RSAD1: variants seen among roughly 807,000 people sequenced by gnomAD.
The protein encoded by RSAD1 is radical S-adenosyl methionine domain containing 1.
Under a neutral mutation model 46.2 loss-of-function variants are expected in RSAD1, and 34 were observed. That is an observed-to-expected ratio of 0.74 (90% confidence interval 0.56 to 0.98). The LOEUF (loss-of-function observed/expected upper bound fraction) is 0.98, where lower values mean the gene tolerates loss of function less well. RSAD1 is among the 50% of genes least tolerant of loss of function. RSAD1 has a pLI of 0.00. For missense variants in RSAD1, 635 were observed against 592.3 expected (o/e 1.07, Z -0.75); for synonymous variants, 260 against 253.5 (o/e 1.03, Z -0.24).
At chr17:50,479,361 C>G in intron 1 of RSAD1, 1 of 504,234 alleles carries the variant, frequency 2.0e-6, no homozygotes, top group East Asian at 3.4e-5. Context: ...ATTATATGAT[C>G]CCAGAAAGAG....
chr17:50,481,675 G>T (rs973054618), intron 3 of RSAD1, among the ~76,000 whole-genome samples: 1 of 151,976 alleles, frequency 6.6e-6, no homozygotes, highest in South Asian at 2.1e-4. Flanking sequence ...CAAGATGAAG[G>T]TTTTTTTTGT....
rs759193703 is a variant in RSAD1 at position 50,479,898 on chromosome 17, TG to T, written c.290del (p.Gly97ValfsTer7). The T allele has an allele frequency of 1.9e-6, 3 of 1,613,560 alleles. No homozygotes were observed. The highest frequency in any genetic ancestry group is 3.3e-5 in the Admixed American group (2 of 60,000). ...TCCCCAGGGTGGAGTCTGTGTTCTT[TG>T]GTGGGGGGACCCCCAGTCTAGCCAG... ...GVQRVESVFF[G>X]GGTPSLASPH... On this transcript the variant is annotated frameshift_variant, in exon 3 of 9. Coordinates refer to ENST00000258955, the MANE Select transcript of RSAD1 (RefSeq NM_018346.3). LOFTEE classifies it high-confidence loss of function.
At position 50,485,033 on chromosome 17, in the gene RSAD1, G is replaced by C. The variant is rs375939809; in HGVS notation, c.*172G>C. On this transcript the variant is annotated 3_prime_UTR_variant, in exon 9 of 9. Transcript: ENST00000258955. ...GTGAGGTAGATGGGAGGACATTTCT[G>C]GTCAGGGAACTGGCATCCCATTCAG... The C allele has an allele frequency of 4.0e-4, 243 of 600,108 alleles. 1 individual carries two copies. The highest frequency in any genetic ancestry group is 4.0e-3 in the African/African-American group (218 of 54,274). 37.2% of individuals were successfully genotyped at this position (600,108 alleles called of 1,614,324 possible).
chr17:50,484,651 G>A (rs1052605321), intron 8 of RSAD1, 93 bp from the exon 9 acceptor site: 18 of 1,509,696 alleles, frequency 1.2e-5, no homozygotes, highest in African/African-American at 8.2e-5. Flanking sequence ...TGGTAAGGCG[G>A]GACCTGCGGG....
At position 50,482,187 on chromosome 17, in the gene RSAD1, C is replaced by T. The variant is rs745834642; in HGVS notation, c.571C>T (p.Arg191Cys). 5.1e-6 allele frequency: 8 copies of T among 1,577,150 alleles called. No individual in the cohort carries two copies. The highest frequency in any genetic ancestry group is 4.3e-6 in the Non-Finnish European group (5 of 1,159,274). ...LAEARRLFPG[R>C]VSVDLMLGLP... Reference sequence around the variant, plus strand: ...AGAGGCCCGGCGCCTCTTTCCCGGGCGCGTGTCTGTAGACTTGATGCTGGG... The same window carrying T: ...AGAGGCCCGGCGCCTCTTTCCCGGGTGCGTGTCTGTAGACTTGATGCTGGG... Residue 191 changes from arginine (R) to cysteine (C), a missense_variant, in exon 4 of 9, where the codon CGC (arginine) becomes TGC (cysteine). By Grantham distance (180) the Arg-to-Cys change is radical. Transcript: ENST00000258955.
chr17:50,483,147 T>C (rs1229658434), intron 5 of RSAD1, among the ~76,000 whole-genome samples, 193 bp from the exon 6 acceptor site: 1 of 114,222 alleles, frequency 8.8e-6, no homozygotes, highest in East Asian at 2.5e-4. Context: ...AAGACCAGCC[T>C]GGGCAGTATA....
intron 5 of RSAD1, 125 bp from the exon 6 acceptor site, chr17:50,483,214 GA>G: frequency 4.0e-6 from 2 of 496,432 alleles, no homozygotes; most frequent in Non-Finnish European, 3.0e-6. Context: ...AGAAAGAAAA[GA>G]AAAGAAAAAT....
chr17:50,483,797 A>G (rs1157662114), intron 7 of RSAD1, 37 bp downstream of exon 7: 4 of 1,579,972 alleles, frequency 2.5e-6, no homozygotes, highest in Non-Finnish European at 3.4e-6. Context: ...ACTCCCTCCT[A>G]AAGTCTTGCA....
chr17:50,485,502 A>G lies in RSAD1; in HGVS notation c.*641A>G, dbSNP rs544512550. ...CAAAACCTCATGCCTACTGTCTGCC[A>G]CTGCTGGAGAAGGAATCATGGTTTC... On this transcript the variant is annotated 3_prime_UTR_variant, in exon 9 of 9. Transcript: ENST00000258955. 1 of 152,442 alleles carries G rather than the reference A, an allele frequency of 6.6e-6. No individual in the cohort carries two copies. The highest frequency in any genetic ancestry group is 1.5e-5 in the Non-Finnish European group (1 of 68,092). 9.4% of individuals were successfully genotyped at this position (152,442 alleles called of 1,614,324 possible).
Position 50,478,892 on chromosome 17 carries a change from T to C in RSAD1, c.8T>C (p.Leu3Pro), listed in dbSNP as rs1377261195. Reference sequence around the variant, plus strand: ...CGCGCTGCGCTGGGCGCCATGGCGCTCCCCGGAGCCCGGGCTCGCGGCTGG... The same window carrying C: ...CGCGCTGCGCTGGGCGCCATGGCGCCCCCCGGAGCCCGGGCTCGCGGCTGG... MALPGARARGWAA... is the reference protein window; with the variant it reads MAPPGARARGWAA... The change falls in exon 1 of 9, where the codon CTC (leucine) becomes CCC (proline). Residue 3 changes from leucine to proline, a missense_variant. Physicochemically the swap from Leu to Pro is moderately conservative, Grantham distance 98 (BLOSUM62 -3). Coordinates refer to ENST00000258955, the MANE Select transcript of RSAD1 (RefSeq NM_018346.3). 1 of 1,308,364 alleles carries C rather than the reference T, an allele frequency of 7.6e-7. No homozygotes were observed. Among genetic ancestry groups the C allele is most frequent in the Non-Finnish European group, 9.7e-7 (1 of 1,036,130 alleles). 81.0% of individuals were successfully genotyped at this position (1,308,364 alleles called of 1,614,324 possible).
chr17:50,485,955 A>G lies in RSAD1; in HGVS notation c.*1094A>G, dbSNP rs1256132040. 6.6e-6 allele frequency: 1 copy of G among 152,228 alleles called. No individual in the cohort carries two copies. The highest frequency in any genetic ancestry group is 1.5e-5 in the Non-Finnish European group (1 of 68,058). 9.4% of individuals were successfully genotyped at this position (152,228 alleles called of 1,614,324 possible). ...CACATGGTTCTATTTAAATAGCCTAATAAACACATCTGGAGCCTGTCTTGA... is the reference window on the plus strand; with the variant it reads ...CACATGGTTCTATTTAAATAGCCTAGTAAACACATCTGGAGCCTGTCTTGA... On this transcript the variant is annotated 3_prime_UTR_variant, in exon 9 of 9. Coordinates refer to ENST00000258955, the MANE Select transcript of RSAD1 (RefSeq NM_018346.3).
At chr17:50,482,608 C>T in intron 4 of RSAD1, 35 bp from the exon 5 acceptor site, 1 of 1,613,760 alleles carries the variant, frequency 6.2e-7, no homozygotes, top group Non-Finnish European at 8.5e-7. Flanking sequence ...GAGGCCTGCC[C>T]TCTTCACTCT....
At chr17:50,481,929 T>C (rs897230943) in intron 3 of RSAD1, among the ~76,000 whole-genome samples, 162 bp from the exon 4 acceptor site, 2 of 152,188 alleles carry the variant, frequency 1.3e-5, no homozygotes, top group Non-Finnish European at 2.9e-5. Context: ...TAGCGACCCT[T>C]CTGTGAATGG....
intron 1 of RSAD1, 57 bp from the exon 2 acceptor site, chr17:50,479,572 G>C (rs1421424627): frequency 7.5e-6 from 12 of 1,607,472 alleles, no homozygotes; most frequent in Non-Finnish European, 9.3e-6. Flanking sequence ...GTGTGCGACT[G>C]AACCCTGGAA....
Position 50,480,078 on chromosome 17 carries a change from C to A in RSAD1, c.468C>A (p.Gly156=), listed in dbSNP as rs773198060. The change falls in exon 3 of 9, where the codon GGC becomes GGA. Residue 156 remains glycine (G), a synonymous_variant. Coordinates refer to ENST00000258955, the MANE Select transcript of RSAD1 (RefSeq NM_018346.3). The part of the protein sequence containing the change: ...GAAGVNRLSI[G]LQSLDDTELR... ...CAGGGGTTAACAGGTTGTCTATAGGCCTCCAGGTAACCCATGGCACTCACC... is the reference window on the plus strand; with the variant it reads ...CAGGGGTTAACAGGTTGTCTATAGGACTCCAGGTAACCCATGGCACTCACC... 2.5e-6 allele frequency: 4 copies of A among 1,613,954 alleles called. No individual in the cohort carries two copies. The highest frequency in any genetic ancestry group is 3.4e-6 in the Non-Finnish European group (4 of 1,180,018).
At chr17:50,480,849 C>T (rs1383812351) in intron 3 of RSAD1, among the ~76,000 whole-genome samples, 3 of 152,128 alleles carry the variant, frequency 2.0e-5, no homozygotes, top group Non-Finnish European at 4.4e-5. Flanking sequence ...CCCCAAAGCG[C>T]ATATCTTGAA....
At position 50,482,653 on chromosome 17, in the gene RSAD1, G is replaced by A. The variant is rs1210844895; in HGVS notation, c.851G>A (p.Ser284Asn). ...CCTCCCTCCCCGCAGGGGGCGCTCA[G>A]TACCCACAATTGGACTTACTGGCAG... is the stretch of plus-strand genomic sequence containing the variant. Reference protein sequence around the residue: ...VSNFARNGALSTHNWTYWQCG... With the variant: ...VSNFARNGALNTHNWTYWQCG... The change falls in exon 5 of 9, where the codon AGT (serine) becomes AAT (asparagine). Residue 284 changes from serine (S) to asparagine (N), a missense_variant. Physicochemically the swap from Ser to Asn is conservative, Grantham distance 46. Coordinates refer to ENST00000258955, the MANE Select transcript of RSAD1 (RefSeq NM_018346.3). 1 of 1,614,204 alleles carries A rather than the reference G, an allele frequency of 6.2e-7. No homozygotes were observed. Among genetic ancestry groups the A allele is most frequent in the East Asian group, 2.2e-5 (1 of 44,874 alleles).
intron 5 of RSAD1, 86 bp from the exon 6 acceptor site, chr17:50,483,254 G>T: frequency 7.4e-7 from 1 of 1,350,228 alleles, no homozygotes; most frequent in South Asian, 1.6e-5. Context: ...GTTAGAGGCA[G>T]TTGCTCCAGG....
chr17:50,482,517 G>C, intron 4 of RSAD1, 61 bp downstream of exon 4: 1 of 1,608,764 alleles, frequency 6.2e-7, no homozygotes, highest in Non-Finnish European at 8.5e-7. Flanking sequence ...TGACCAGGGC[G>C]TTGTGACCTT....
Sources: allele counts gnomAD v4.1 joint callset (sites outside exome capture counted in the v4.1 genomes callset), GRCh38; gene constraint gnomAD v4.1.1; transcripts MANE v1.5; gene names NCBI Gene and HGNC (gene_info 2026-07-23, HGNC 2026-07-21).